The following TBC1D22A variants were observed in gnomAD, a reference collection of about 807,000 sequenced individuals.
TBC1D22A encodes putative GTPase activator.
Under a neutral mutation model 60.2 loss-of-function variants are expected in TBC1D22A, and 38 were observed. That is an observed-to-expected ratio of 0.63 (90% confidence interval 0.49 to 0.83). The LOEUF (loss-of-function observed/expected upper bound fraction) is 0.83. Among genes scored for constraint, TBC1D22A ranks in the 40% least tolerant of loss-of-function variants. TBC1D22A has a pLI of 0.00. For synonymous variants in TBC1D22A, 302 were observed against 281.7 expected (o/e 1.07, Z -0.72); for missense variants, 628 against 701.0 (o/e 0.90, Z 1.18).
chr22:46,879,763 C>T (rs2067757175), intron 5 of TBC1D22A, among the ~76,000 whole-genome samples: 1 of 152,194 alleles, frequency 6.6e-6, no homozygotes, highest in Non-Finnish European at 1.5e-5. Flanking sequence ...ATGATGAAAA[C>T]ACCGAATTGC....
At chr22:46,817,408 C>T (rs1006980474) in intron 4 of TBC1D22A, among the ~76,000 whole-genome samples, 8 of 152,188 alleles carry the variant, frequency 5.3e-5, no homozygotes, top group African/African-American at 1.9e-4. Context: ...TCCCTCCCCT[C>T]ACCCGCCCAC....
Position 47,012,508 on chromosome 22 carries a change from G to A in TBC1D22A, c.1201+14799G>A, listed in dbSNP as rs540275254. On this transcript the variant is annotated intron_variant, in intron 10 of 12. Transcript: ENST00000337137. ...GCCTCTGTGCCCAGAGTGGTGCTTTGGAAGAGGGGTATGGCCTTGTCACTG... is the reference window on the plus strand; with the variant it reads ...GCCTCTGTGCCCAGAGTGGTGCTTTAGAAGAGGGGTATGGCCTTGTCACTG... Among the ~76,000 whole-genome samples the A allele has an allele frequency of 2.0e-5, 3 of 152,294 alleles. No homozygotes were observed. In the East Asian group the frequency reaches 5.8e-4, roughly 29 times the overall value.
At chr22:46,856,890 C>G (rs538029034) in intron 4 of TBC1D22A, among the ~76,000 whole-genome samples, 3 of 152,084 alleles carry the variant, frequency 2.0e-5, no homozygotes, top group Non-Finnish European at 4.4e-5. Context: ...GGACAGATTC[C>G]CAGAAATGAA....
At chr22:46,764,893 G>C (rs1262891300) in intron 1 of TBC1D22A, among the ~76,000 whole-genome samples, 5 of 152,206 alleles carry the variant, frequency 3.3e-5, no homozygotes, top group African/African-American at 1.2e-4. Context: ...ACTTGATTTT[G>C]GGTTTTTGGC....
chr22:46,848,153 T>C (rs987660706), intron 4 of TBC1D22A, among the ~76,000 whole-genome samples: 1 of 152,254 alleles, frequency 6.6e-6, no homozygotes, highest in African/African-American at 2.4e-5. Context: ...AGAGCGGCTT[T>C]AAAGCTTTTA....
chr22:47,008,996 C>T (rs568374489), intron 10 of TBC1D22A, among the ~76,000 whole-genome samples: 23 of 152,282 alleles, frequency 1.5e-4, no homozygotes, highest in African/African-American at 5.1e-4. Context: ...AAATAATTCT[C>T]GAACATTTCT....
intron 8 of TBC1D22A, among the ~76,000 whole-genome samples, chr22:46,955,102 C>T (rs1368062568): frequency 6.6e-6 from 1 of 152,046 alleles, no homozygotes; most frequent in Non-Finnish European, 1.5e-5. Context: ...TAAGGACAGG[C>T]CATTGCTATG....
At chr22:46,858,450 T>C (rs912641643) in intron 4 of TBC1D22A, among the ~76,000 whole-genome samples, 1 of 128,512 alleles carries the variant, frequency 7.8e-6, no homozygotes, top group African/African-American at 3.3e-5. Flanking sequence ...GCTTTGTTTC[T>C]TGTGGCAAAC....
At chr22:47,064,916 CATT>C (rs1473053874) in intron 11 of TBC1D22A, among the ~76,000 whole-genome samples, 1 of 152,190 alleles carries the variant, frequency 6.6e-6, no homozygotes, top group Non-Finnish European at 1.5e-5. Context: ...TAATCATTGT[CATT>C]ATAAAGAGGC....
intron 5 of TBC1D22A, among the ~76,000 whole-genome samples, chr22:46,886,014 TCTC>T (rs549730323): frequency 1.8e-4 from 27 of 151,562 alleles, no homozygotes; most frequent in Admixed American, 1.8e-3. Flanking sequence ...TTCACGCCAT[TCTC>T]CTACCACAGC....
At chr22:47,044,453 G>A (rs552948783) in intron 11 of TBC1D22A, among the ~76,000 whole-genome samples, 1 of 152,208 alleles carries the variant, frequency 6.6e-6, no homozygotes, top group East Asian at 1.9e-4. Flanking sequence ...GCTCTGCCTC[G>A]TGTGCCAGGC....
intron 8 of TBC1D22A, 52 bp from the exon 9 acceptor site, chr22:46,974,238 A>G (rs2074195660): frequency 4.0e-6 from 6 of 1,496,330 alleles, no homozygotes; most frequent in African/African-American, 1.4e-5. Context: ...TCGTGGGTCG[A>G]GGTCCCGTGT....
intron 4 of TBC1D22A, among the ~76,000 whole-genome samples, chr22:46,812,501 C>T (rs796648879): frequency 3.9e-5 from 6 of 152,334 alleles, no homozygotes; most frequent in African/African-American, 1.4e-4. Flanking sequence ...CTGTGGGCTG[C>T]CTGGCCTCAC....
intron 11 of TBC1D22A, among the ~76,000 whole-genome samples, chr22:47,043,471 G>A (rs1244352448): frequency 1.3e-5 from 2 of 152,196 alleles, no homozygotes; most frequent in African/African-American, 2.4e-5. Flanking sequence ...GGGACTGAGC[G>A]AGTGAGGGCC....
chr22:46,890,105 G>C (rs1015146983), intron 5 of TBC1D22A, among the ~76,000 whole-genome samples: 8 of 152,322 alleles, frequency 5.3e-5, no homozygotes, highest in African/African-American at 1.9e-4. Flanking sequence ...CAGCACTTTG[G>C]GAGGCTGAGG....
At chr22:47,006,141 G>A (rs951328681) in intron 10 of TBC1D22A, among the ~76,000 whole-genome samples, 5 of 152,172 alleles carry the variant, frequency 3.3e-5, no homozygotes, top group Non-Finnish European at 7.3e-5. Context: ...CATATTCTTG[G>A]GGAATGTGTT....
rs571576460 is a variant in TBC1D22A at position 47,087,161 on chromosome 22, G to A, written c.1330-24347G>A. ...GCAGAGTATGAGCGTACACGCATAC[G>A]CGCATGCACACAAACTTTCCTATTT... On this transcript the variant is annotated intron_variant, in intron 11 of 12. Transcript: ENST00000337137. 7.2e-5 allele frequency among the ~76,000 whole-genome samples: 11 copies of A among 152,336 alleles called. 1 individual carries two copies. The highest frequency in any genetic ancestry group is 2.1e-4 in the South Asian group (1 of 4,830).
intron 9 of TBC1D22A, among the ~76,000 whole-genome samples, chr22:46,978,018 A>G (rs1232064871): frequency 6.6e-6 from 1 of 152,242 alleles, no homozygotes; most frequent in Non-Finnish European, 1.5e-5. Flanking sequence ...GGACTCCTTA[A>G]CAGCAAAGAG....
At chr22:46,908,969 G>A (rs764945064) in intron 7 of TBC1D22A, among the ~76,000 whole-genome samples, 3 of 152,122 alleles carry the variant, frequency 2.0e-5, no homozygotes, top group Admixed American at 6.5e-5. Flanking sequence ...GAACCGAGTC[G>A]AGGCCCCGGC....
Sources: gnomAD v4.1 joint callset for allele counts (sites outside exome capture counted in the v4.1 genomes callset) on GRCh38, gnomAD v4.1.1 for gene constraint, MANE v1.5 for transcripts, NCBI Gene and HGNC (gene_info 2026-07-23, HGNC 2026-07-21) for gene names.